EFNA5: variants seen among roughly 807,000 people sequenced by gnomAD.
The protein encoded by EFNA5 is ephrin-A5.
In EFNA5, 5 loss-of-function variants were observed where a neutral mutation model predicts 22.9. That is an observed-to-expected ratio of 0.22 (90% CI 0.11 to 0.46). The LOEUF (loss-of-function observed/expected upper bound fraction) is 0.46, where lower values mean the gene tolerates loss of function less well. Among genes scored for constraint, EFNA5 ranks in the 20% least tolerant of loss-of-function variants. The pLI, the probability that EFNA5 is intolerant of heterozygous loss-of-function variation, is 0.99. For synonymous variants in EFNA5, 113 were observed against 112.2 expected, an observed-to-expected ratio of 1.01 and a Z score of -0.04; for missense variants, 237 against 293.3, an observed-to-expected ratio of 0.81 and a Z score of 1.40.
intron 2 of EFNA5, among the ~76,000 whole-genome samples, chr5:107,397,128 C>T (rs539669797): frequency 6.6e-6 from 1 of 152,074 alleles, no homozygotes; most frequent in South Asian, 2.1e-4. Context: ...GGTGCAATGC[C>T]TATAGTCCCA....
intron 2 of EFNA5, among the ~76,000 whole-genome samples, chr5:107,409,174 G>A (rs143442556): frequency 6.6e-6 from 1 of 152,292 alleles, no homozygotes; most frequent in African/African-American, 2.4e-5. Context: ...CACCACCCTA[G>A]GAAATGAACT....
intron 1 of EFNA5, among the ~76,000 whole-genome samples, chr5:107,652,032 T>C (rs1237361794): frequency 1.3e-5 from 2 of 152,192 alleles, no homozygotes; most frequent in African/African-American, 4.8e-5. Context: ...GTATATGAGA[T>C]ATCTCTGTAC....
At chr5:107,389,287 C>G (rs1747722076) in intron 2 of EFNA5, among the ~76,000 whole-genome samples, 1 of 152,200 alleles carries the variant, frequency 6.6e-6, no homozygotes, top group Non-Finnish European at 1.5e-5. Flanking sequence ...TATTTGCACT[C>G]TGCGGTTTGA....
At chr5:107,404,574 T>C (rs1748161732) in intron 2 of EFNA5, among the ~76,000 whole-genome samples, 1 of 152,200 alleles carries the variant, frequency 6.6e-6, no homozygotes, top group Non-Finnish European at 1.5e-5. Context: ...AGGCAGGTAT[T>C]ATTATCCTCA....
At chr5:107,604,665 C>T (rs1749674949) in intron 1 of EFNA5, among the ~76,000 whole-genome samples, 1 of 152,154 alleles carries the variant, frequency 6.6e-6, no homozygotes, top group Non-Finnish European at 1.5e-5. Context: ...GCCGTGCAGA[C>T]ATGTCAGAAC....
chr5:107,533,727 T>G (rs1747871568), intron 1 of EFNA5, among the ~76,000 whole-genome samples: 1 of 152,202 alleles, frequency 6.6e-6, no homozygotes, highest in South Asian at 2.1e-4. Context: ...CGGATTAAAT[T>G]GGGCATGTGG....
intron 1 of EFNA5, among the ~76,000 whole-genome samples, chr5:107,495,039 CA>C (rs1011070626): frequency 2.9e-4 from 44 of 152,282 alleles, no homozygotes; most frequent in African/African-American, 1.0e-3. Context: ...TCAGCTCTAC[CA>C]ATCAGCAGGA....
At chr5:107,621,014 A>G (rs1195521242) in intron 1 of EFNA5, among the ~76,000 whole-genome samples, 1 of 152,222 alleles carries the variant, frequency 6.6e-6, no homozygotes, top group Non-Finnish European at 1.5e-5. Context: ...ATGTCTAGAA[A>G]GTAGTGGATG....
chr5:107,534,029 G>A (rs902197497), intron 1 of EFNA5, among the ~76,000 whole-genome samples: 1 of 152,154 alleles, frequency 6.6e-6, no homozygotes, highest in Non-Finnish European at 1.5e-5. Flanking sequence ...TTAACCAGAG[G>A]CAGGATCTCC....
intron 1 of EFNA5, among the ~76,000 whole-genome samples, chr5:107,442,749 G>T (rs552838830): frequency 2.0e-5 from 3 of 151,486 alleles, no homozygotes; most frequent in Admixed American, 1.3e-4. Flanking sequence ...AATAAGCAAA[G>T]AAAAAGAAGA....
intron 1 of EFNA5, among the ~76,000 whole-genome samples, chr5:107,592,391 A>G (rs1292649205): frequency 6.6e-6 from 1 of 151,944 alleles, no homozygotes; most frequent in African/African-American, 2.4e-5. Context: ...ATGGATGCAA[A>G]TACACCCCTC....
chr5:107,387,347 T>C (rs777785004), intron 3 of EFNA5, 32 bp from the exon 4 acceptor site: 2 of 1,460,198 alleles, frequency 1.4e-6, no homozygotes, highest in African/African-American at 1.4e-5. Flanking sequence ...CAGCCAAATA[T>C]GTTAGTGAAG....
At chr5:107,587,760 G>A (rs1253367661) in intron 1 of EFNA5, among the ~76,000 whole-genome samples, 15 of 152,064 alleles carry the variant, frequency 9.9e-5, no homozygotes, top group Admixed American at 3.9e-4. Context: ...CTCGTGATCC[G>A]CCCGCCTCGG....
intron 1 of EFNA5, among the ~76,000 whole-genome samples, chr5:107,593,386 A>T (rs1749415127): frequency 6.6e-6 from 1 of 152,228 alleles, no homozygotes. Context: ...ATTTCCAGCC[A>T]AACTGTTTGA....
At chr5:107,397,499 G>C (rs1460095422) in intron 2 of EFNA5, among the ~76,000 whole-genome samples, 1 of 151,204 alleles carries the variant, frequency 6.6e-6, no homozygotes, top group South Asian at 2.1e-4. Flanking sequence ...AGTGAGCAAA[G>C]ATCACGCCAC....
intron 2 of EFNA5, among the ~76,000 whole-genome samples, chr5:107,421,235 C>T (rs1004961146): frequency 4.6e-5 from 7 of 152,138 alleles, no homozygotes; most frequent in Non-Finnish European, 1.0e-4. Flanking sequence ...TAGCAGTTAA[C>T]CACATACATT....
At chr5:107,663,254 C>T (rs1751002053) in intron 1 of EFNA5, among the ~76,000 whole-genome samples, 1 of 151,884 alleles carries the variant, frequency 6.6e-6, no homozygotes, top group Non-Finnish European at 1.5e-5. Context: ...AACTGAAAGC[C>T]AAAAAACAAG....
At chr5:107,622,883 C>T (rs975433147) in intron 1 of EFNA5, among the ~76,000 whole-genome samples, 5 of 150,850 alleles carry the variant, frequency 3.3e-5, no homozygotes, top group Admixed American at 1.3e-4. Context: ...TAGCCGGGCG[C>T]GGTGGCGGGC....
At chr5:107,563,644 A>G (rs944061720) in intron 1 of EFNA5, among the ~76,000 whole-genome samples, 3 of 152,044 alleles carry the variant, frequency 2.0e-5, no homozygotes, top group Admixed American at 6.5e-5. Flanking sequence ...TATGCTTTCT[A>G]GGCTTAGGCT....
Sources: allele counts gnomAD v4.1 joint callset (sites outside exome capture counted in the v4.1 genomes callset), GRCh38; gene constraint gnomAD v4.1.1; transcripts MANE v1.5; gene names NCBI Gene and HGNC (gene_info 2026-07-23, HGNC 2026-07-21).